The following ATPSCKMT variants were observed in gnomAD, a reference collection of about 807,000 sequenced individuals.
ATPSCKMT encodes the protein ATP synthase c subunit lysine N-methyltransferase, also known as ATP synthase subunit C lysine N-methyltransferase.
A neutral mutation model predicts 24.3 loss-of-function variants in ATPSCKMT; 24 were observed. That is an observed-to-expected ratio of 0.99 (90% confidence interval 0.71 to 1.39). The LOEUF is 1.39. ATPSCKMT is among the 40% of genes most tolerant of loss of function. The probability of loss-of-function intolerance (pLI) is 0.00; values close to 1 mark genes in which losing one functional copy is unlikely to be tolerated. For synonymous variants in ATPSCKMT, 95 were observed against 110.5 expected (o/e 0.86, Z 0.88); for missense variants, 311 against 298.4 (o/e 1.04, Z -0.31).
chr5:10,238,587 A>C (rs1744479949), intron 2 of ATPSCKMT, among the ~76,000 whole-genome samples: 1 of 152,230 alleles, frequency 6.6e-6, no homozygotes, highest in East Asian at 1.9e-4. Flanking sequence ...CGGTCAAGTG[A>C]GAGAAGTTCA....
intron 1 of ATPSCKMT, among the ~76,000 whole-genome samples, chr5:10,245,355 G>C (rs1374135686): frequency 6.6e-6 from 1 of 152,174 alleles, no homozygotes; most frequent in Admixed American, 6.5e-5. Context: ...GGAAGGCGGA[G>C]TTTGCAGTGA....
intron 1 of ATPSCKMT, among the ~76,000 whole-genome samples, chr5:10,241,164 A>G (rs1177389616): frequency 6.6e-6 from 1 of 151,978 alleles, no homozygotes; most frequent in Non-Finnish European, 1.5e-5. Flanking sequence ...TTGACCCCAC[A>G]TCACTCCAAT....
chr5:10,243,380 A>T (rs1744739448), intron 1 of ATPSCKMT, among the ~76,000 whole-genome samples: 1 of 152,090 alleles, frequency 6.6e-6, no homozygotes, highest in South Asian at 2.1e-4. Flanking sequence ...GCTACTCGGG[A>T]GGCTGAGGCA....
At chr5:10,238,606 C>T (rs1744481525) in intron 2 of ATPSCKMT, among the ~76,000 whole-genome samples, 1 of 152,218 alleles carries the variant, frequency 6.6e-6, no homozygotes, top group South Asian at 2.1e-4. Context: ...CATAAAAAGA[C>T]TGATCTTCGG....
At chr5:10,241,614 G>C (rs1304544031) in intron 1 of ATPSCKMT, among the ~76,000 whole-genome samples, 1 of 152,208 alleles carries the variant, frequency 6.6e-6, no homozygotes, top group South Asian at 2.1e-4. Context: ...TAATGCTAGT[G>C]CTAGTATTAA....
chr5:10,238,697 C>T (rs1488157431), intron 2 of ATPSCKMT, among the ~76,000 whole-genome samples: 1 of 152,206 alleles, frequency 6.6e-6, no homozygotes, highest in Non-Finnish European at 1.5e-5. Flanking sequence ...TAAATACAGA[C>T]AAATGCAGAA....
chr5:10,237,753 TC>T (rs1242632075), intron 2 of ATPSCKMT, among the ~76,000 whole-genome samples: 2 of 117,532 alleles, frequency 1.7e-5, no homozygotes, highest in African/African-American at 5.3e-5. Context: ...CTAATATATT[TC>T]TTTTTTTTTT....
chr5:10,227,695 A>G, intron 4 of ATPSCKMT, 48 bp from the exon 5 acceptor site: 1 of 1,554,340 alleles, frequency 6.4e-7, no homozygotes, highest in Non-Finnish European at 8.7e-7. Flanking sequence ...AGTCAGAGGA[A>G]ATGATCCCAA....
chr5:10,237,106 C>T (rs1744411481), intron 2 of ATPSCKMT: 3 of 1,051,044 alleles, frequency 2.9e-6, no homozygotes, highest in Non-Finnish European at 3.9e-6. Context: ...TTACTCAAAA[C>T]TGAAAACAGG....
At chr5:10,246,228 C>T (rs910978808) in intron 1 of ATPSCKMT, among the ~76,000 whole-genome samples, 16 of 151,884 alleles carry the variant, frequency 1.1e-4, no homozygotes, top group Non-Finnish European at 1.8e-4. Context: ...TCAGGAGTTC[C>T]AGACCAGCCT....
At chr5:10,235,188 A>T (rs1164378079) in intron 4 of ATPSCKMT, 23 bp downstream of exon 4, 3 of 1,612,924 alleles carry the variant, frequency 1.9e-6, no homozygotes, top group Non-Finnish European at 1.7e-6. Flanking sequence ...CCCCAAACAG[A>T]GAGCAGGAAA....
chr5:10,229,971 G>C (rs1744048536), intron 4 of ATPSCKMT, among the ~76,000 whole-genome samples: 1 of 152,188 alleles, frequency 6.6e-6, no homozygotes, highest in Non-Finnish European at 1.5e-5. Context: ...CCACAGTCCT[G>C]ATTCAGCCTT....
At chr5:10,234,705 T>G (rs1459218229) in intron 4 of ATPSCKMT, among the ~76,000 whole-genome samples, 1 of 152,228 alleles carries the variant, frequency 6.6e-6, no homozygotes, top group Non-Finnish European at 1.5e-5. Context: ...TACAATACTG[T>G]GGCATTTTCA....
chr5:10,244,860 A>G (rs1744820932), intron 1 of ATPSCKMT, among the ~76,000 whole-genome samples: 1 of 151,556 alleles, frequency 6.6e-6, no homozygotes, highest in Admixed American at 6.6e-5. Flanking sequence ...GTGAGCCGTG[A>G]TCGCACCATT....
At chr5:10,245,591 C>T (rs1373478282) in intron 1 of ATPSCKMT, among the ~76,000 whole-genome samples, 1 of 151,324 alleles carries the variant, frequency 6.6e-6, no homozygotes, top group Non-Finnish European at 1.5e-5. Flanking sequence ...ACCAAAAATG[C>T]AAAAAATTAG....
intron 3 of ATPSCKMT, among the ~76,000 whole-genome samples, chr5:10,235,984 T>C (rs529667900): frequency 2.7e-4 from 41 of 152,152 alleles, no homozygotes; most frequent in Non-Finnish European, 4.7e-4. Flanking sequence ...TAAAGCAAAA[T>C]TACAGGGCAT....
At chr5:10,245,881 T>C (rs1744897112) in intron 1 of ATPSCKMT, among the ~76,000 whole-genome samples, 1 of 152,212 alleles carries the variant, frequency 6.6e-6, no homozygotes, top group South Asian at 2.1e-4. Context: ...TTATTCTCAA[T>C]ACTATCATAT....
Position 10,226,570 on chromosome 5 carries a change from TAAATGAG to T in ATPSCKMT, c.*864_*870del. ...TCTAAATCAGTCAAGTCTCTTCTCATAAATGAGAAATATTAAATGAGTGGCAGCTCTC... is the reference window on the plus strand; with the variant it reads ...TCTAAATCAGTCAAGTCTCTTCTCATAAATATTAAATGAGTGGCAGCTCTC... On this transcript the variant is annotated 3_prime_UTR_variant, in exon 5 of 5. Coordinates refer to ENST00000511437, the MANE Select transcript of ATPSCKMT (RefSeq NM_199133.4). 1 of 152,334 alleles carries T rather than the reference TAAATGAG, an allele frequency of 6.6e-6. No individual in the cohort carries two copies. Among genetic ancestry groups the T allele is most frequent in the Admixed American group, 6.5e-5 (1 of 15,306 alleles). 9.4% of individuals were successfully genotyped at this position (152,334 alleles called of 1,614,324 possible). A position where few individuals can be genotyped will look rare whatever the true frequency, so the allele number is the denominator to read the frequency against.
At chr5:10,248,926 A>G (rs1745115088) in intron 1 of ATPSCKMT, among the ~76,000 whole-genome samples, 1 of 152,206 alleles carries the variant, frequency 6.6e-6, no homozygotes, top group Non-Finnish European at 1.5e-5. Context: ...TAAGAGATTT[A>G]GAGGACAGCT....
Sources: gnomAD v4.1 joint callset for allele counts (sites outside exome capture counted in the v4.1 genomes callset) on GRCh38, gnomAD v4.1.1 for gene constraint, MANE v1.5 for transcripts, NCBI Gene and HGNC (gene_info 2026-07-23, HGNC 2026-07-21) for gene names.